Variants in LRRC4B observed in about 807,000 individuals in gnomAD.
The protein encoded by LRRC4B is leucine-rich repeat-containing protein 4B.
Under a neutral mutation model 7.3 loss-of-function variants are expected in LRRC4B, and 1 was observed. That is an observed-to-expected ratio of 0.14 (90% CI 0.05 to 0.65). The LOEUF (loss-of-function observed/expected upper bound fraction) is 0.65, where lower values mean the gene tolerates loss of function less well. Ranked by LOEUF, LRRC4B falls within the 30% of genes least tolerant of loss-of-function variation. The pLI, the probability that LRRC4B is intolerant of heterozygous loss-of-function variation, is 0.84. For synonymous variants in LRRC4B, 500 were observed against 499.2 expected, an observed-to-expected ratio of 1.00 and a Z score of -0.02; for missense variants, 730 against 1,041.6, an observed-to-expected ratio of 0.70 and a Z score of 4.12.
chr19:50,556,644 G>A lies in LRRC4B; in HGVS notation c.-35-7771C>T, dbSNP rs572580289. Among the ~76,000 whole-genome samples, 28 of 152,308 alleles carry A rather than the reference G, an allele frequency of 1.8e-4. No homozygotes were observed. The South Asian group carries it at 2.9e-3, about 16-fold the overall frequency. ...TCATTGCCTGCCTTCCTGCTAAGAG[G>A]GGAGCCCCTGAGGGCTTTGCCGCGG... On this transcript the variant is annotated intron_variant, in intron 1 of 2. Coordinates refer to ENST00000652263, the MANE Select transcript of LRRC4B (RefSeq NM_001080457.2). This position sits in a 1 kb window ranked among gnomAD's most constrained non-coding sequence, Gnocchi z 4.2.
Position 50,541,959 on chromosome 19 carries a change from A to G in LRRC4B, c.297+6583T>C, listed in dbSNP as rs539613283. On this transcript the variant is annotated intron_variant, in intron 2 of 2. Coordinates refer to ENST00000652263, the MANE Select transcript of LRRC4B (RefSeq NM_001080457.2). ...GCAGCAACAGCAGCAGAGTGGACAC[A>G]CACAGCAATATGAACCACTCTCAGA... Among the ~76,000 whole-genome samples, 3 of 152,354 alleles carry G rather than the reference A, an allele frequency of 2.0e-5. No homozygotes were observed. In the East Asian group the frequency reaches 5.8e-4, roughly 29 times the overall value.
intron 2 of LRRC4B, among the ~76,000 whole-genome samples, chr19:50,538,208 A>G (rs1454098634): frequency 1.3e-5 from 2 of 152,312 alleles, no homozygotes; most frequent in Admixed American, 1.3e-4. Flanking sequence ...TACTACAGGC[A>G]CGCACTACCA....
chr19:50,517,150 A>C lies in LRRC4B; in HGVS notation c.*421T>G. Reference sequence around the variant, plus strand: ...GAGGGCGGAGGAGTGGGAGGGAGGGACGGGCGTCAAACTGCAAAAACTGAA... The same window carrying C: ...GAGGGCGGAGGAGTGGGAGGGAGGGCCGGGCGTCAAACTGCAAAAACTGAA... On this transcript the variant is annotated 3_prime_UTR_variant, in exon 3 of 3. Transcript: ENST00000652263. The surrounding 1 kb of genome is among the most constrained non-coding windows in gnomAD (Gnocchi z 6.6). 6.6e-6 allele frequency: 1 copy of C among 151,934 alleles called. No homozygotes were observed. Among genetic ancestry groups the C allele is most frequent in the Non-Finnish European group, 1.5e-5 (1 of 68,780 alleles). The allele number at this position is 151,934 out of a possible 1,614,324, so 9.4% of individuals were successfully genotyped here.
At chr19:50,560,262 C>T (rs1982422188) in intron 1 of LRRC4B, among the ~76,000 whole-genome samples, 1 of 152,150 alleles carries the variant, frequency 6.6e-6, no homozygotes, top group African/African-American at 2.4e-5. Flanking sequence ...AAGTGCCCAT[C>T]TCACTCCTAT....
intron 2 of LRRC4B, among the ~76,000 whole-genome samples, chr19:50,535,994 G>T (rs888600806): frequency 1.3e-5 from 2 of 152,206 alleles, no homozygotes; most frequent in East Asian, 1.9e-4. Context: ...CTGCGGGTGG[G>T]GTGGGAGAGT....
intron 2 of LRRC4B, among the ~76,000 whole-genome samples, chr19:50,534,328 G>A (rs1981173255): frequency 6.6e-6 from 1 of 152,212 alleles, no homozygotes; most frequent in South Asian, 2.1e-4. Context: ...CTGAAGTTGT[G>A]AGTGTCATCA....
At position 50,556,978 on chromosome 19, in the gene LRRC4B, G is replaced by C. The variant is rs1317324517; in HGVS notation, c.-35-8105C>G. On this transcript the variant is annotated intron_variant, in intron 1 of 2. Coordinates refer to ENST00000652263, the MANE Select transcript of LRRC4B (RefSeq NM_001080457.2). The surrounding 1 kb of genome is among the most constrained non-coding windows in gnomAD (Gnocchi z 4.2). ...GGGGGGCCCTCCTTCCTCTCACAAC[G>C]GGCTGTGACAACAGAGGGGCAGGCT... 6.6e-6 allele frequency among the ~76,000 whole-genome samples: 1 copy of C among 152,134 alleles called. No individual in the cohort carries two copies. Among genetic ancestry groups the C allele is most frequent in the Non-Finnish European group, 1.5e-5 (1 of 68,014 alleles).
At chr19:50,547,112 C>T (rs1477118714) in intron 2 of LRRC4B, among the ~76,000 whole-genome samples, 1 of 152,150 alleles carries the variant, frequency 6.6e-6, no homozygotes, top group African/African-American at 2.4e-5. Context: ...GTCACCTGCT[C>T]AAGGGAGATG....
In LRRC4B at chr19:50,553,097, A is replaced by G. The variant is rs1227839240; in HGVS notation, c.-35-4224T>C. 6.6e-6 allele frequency among the ~76,000 whole-genome samples: 1 copy of G among 152,154 alleles called. No homozygotes were observed. The highest frequency in any genetic ancestry group is 1.5e-5 in the Non-Finnish European group (1 of 68,030). On this transcript the variant is annotated intron_variant, in intron 1 of 2. Transcript: ENST00000652263. The surrounding 1 kb of genome is among the most constrained non-coding windows in gnomAD (Gnocchi z 4.2). ...CTTGGTAAAGAGTTCTGTCTTCACA[A>G]CATATGCGGAATCAGACCCCAGAAT...
chr19:50,544,786 G>A (rs1981726944), intron 2 of LRRC4B, among the ~76,000 whole-genome samples: 1 of 152,028 alleles, frequency 6.6e-6, no homozygotes, highest in African/African-American at 2.4e-5. Flanking sequence ...TGGGTTAGGT[G>A]GTTTATACCT....
Position 50,518,061 on chromosome 19 carries a change from T to G in LRRC4B, c.1652A>C (p.Lys551Thr), listed in dbSNP as rs1244807856. ...ATCCGTGATGGGCACCGTGAACGCC[T>G]TCTCCGTGGGCCGCGAGGAGCGCGG... ...PAPRSSRPTE[K>T]AFTVPITDVT... The change falls in exon 3 of 3, where the codon AAG (lysine) becomes ACG (threonine). Residue 551 changes from lysine to threonine, a missense_variant. Coordinates refer to ENST00000652263, the MANE Select transcript of LRRC4B (RefSeq NM_001080457.2). 1.9e-6 allele frequency: 3 copies of G among 1,586,696 alleles called. No individual in the cohort carries two copies. The highest frequency in any genetic ancestry group is 2.7e-5 in the African/African-American group (2 of 73,442).
intron 2 of LRRC4B, among the ~76,000 whole-genome samples, chr19:50,538,730 G>T (rs932086358): frequency 6.6e-6 from 1 of 151,592 alleles, no homozygotes; most frequent in African/African-American, 2.4e-5. Flanking sequence ...CACCACACCT[G>T]GCTAATTTTT....
At chr19:50,539,158 G>A (rs1292577038) in intron 2 of LRRC4B, among the ~76,000 whole-genome samples, 5 of 152,224 alleles carry the variant, frequency 3.3e-5, no homozygotes, top group South Asian at 2.1e-4. Flanking sequence ...GATTACAGGC[G>A]TGAGCCACCG....
intron 1 of LRRC4B, among the ~76,000 whole-genome samples, chr19:50,551,247 G>C (rs1982047222): frequency 6.8e-6 from 1 of 147,464 alleles, no homozygotes; most frequent in Non-Finnish European, 1.5e-5. Context: ...CCCTCCACAT[G>C]CCTCCGGCCA....
intron 2 of LRRC4B, among the ~76,000 whole-genome samples, chr19:50,524,445 G>T (rs909014587): frequency 2.6e-5 from 4 of 151,888 alleles, no homozygotes; most frequent in Non-Finnish European, 5.9e-5. Flanking sequence ...GTAGAGATGG[G>T]GTCTCCCTAT....
At chr19:50,547,941 C>A (rs1981883891) in intron 2 of LRRC4B, among the ~76,000 whole-genome samples, 1 of 152,020 alleles carries the variant, frequency 6.6e-6, no homozygotes, top group Non-Finnish European at 1.5e-5. Flanking sequence ...AATTCTCACA[C>A]CAGCTCCAGG....
intron 1 of LRRC4B, among the ~76,000 whole-genome samples, chr19:50,567,610 C>T (rs575486303): frequency 5.5e-4 from 84 of 151,782 alleles, no homozygotes; most frequent in Middle Eastern, 3.4e-3. Flanking sequence ...GACCTACGCC[C>T]GGAGAGCCCC....
chr19:50,517,540 C>A lies in LRRC4B; in HGVS notation c.*31G>T. 7.1e-7 allele frequency: 1 copy of A among 1,402,800 alleles called. No homozygotes were observed. The highest frequency in any genetic ancestry group is 2.7e-5 in the East Asian group (1 of 36,384). The allele number at this position is 1,402,800 out of a possible 1,614,324, so 86.9% of individuals were successfully genotyped here. A position where few individuals can be genotyped will look rare whatever the true frequency, so the allele number is the denominator to read the frequency against. On this transcript the variant is annotated 3_prime_UTR_variant, in exon 3 of 3. Coordinates refer to ENST00000652263, the MANE Select transcript of LRRC4B (RefSeq NM_001080457.2). This position sits in a 1 kb window ranked among gnomAD's most constrained non-coding sequence, Gnocchi z 6.6. ...CGGGCTGGGACCTGGGTGGGGGGCTCCACGCCCCTCGCCCGCCCGGCCCCG... is the reference window on the plus strand; with the variant it reads ...CGGGCTGGGACCTGGGTGGGGGGCTACACGCCCCTCGCCCGCCCGGCCCCG...
At chr19:50,530,741 G>GC (rs1420232080) in intron 2 of LRRC4B, among the ~76,000 whole-genome samples, 2 of 143,792 alleles carry the variant, frequency 1.4e-5, no homozygotes, top group African/African-American at 5.1e-5. Context: ...CTCCTTTTTT[G>GC]TTTTTTTTTT....
Sources: gnomAD v4.1 joint callset for allele counts (sites outside exome capture counted in the v4.1 genomes callset) on GRCh38, gnomAD v4.1.1 for gene constraint, Gnocchi (gnomAD v3.1) non-coding constraint, MANE v1.5 for transcripts, NCBI Gene and HGNC (gene_info 2026-07-23, HGNC 2026-07-21) for gene names.